Variants in LCOR observed in about 807,000 individuals in gnomAD.
LCOR encodes the protein ligand dependent nuclear receptor corepressor, also known as ligand-dependent corepressor.
In LCOR, 14 loss-of-function variants were observed where a neutral mutation model predicts 64.4. The observed-to-expected ratio is 0.22, with a 90% confidence interval of 0.14 to 0.34. LCOR has a LOEUF of 0.34. Ranked by LOEUF, LCOR falls within the 10% of genes least tolerant of loss-of-function variation. The pLI, the probability that LCOR is intolerant of heterozygous loss-of-function variation, is 1.00. For synonymous variants in LCOR, 643 were observed against 642.5 expected (o/e 1.00, Z -0.01); for missense variants, 1,686 against 1,765.3 (o/e 0.96, Z 0.80).
intron 2 of LCOR, among the ~76,000 whole-genome samples, chr10:96,898,518 A>G (rs915868222): frequency 3.3e-5 from 5 of 152,220 alleles, no homozygotes; most frequent in African/African-American, 4.8e-5. Context: ...TAGCAGCAGC[A>G]TGAAGGGTGG....
chr10:96,849,897 C>G (rs1845697988), intron 2 of LCOR, among the ~76,000 whole-genome samples: 1 of 136,208 alleles, frequency 7.3e-6, no homozygotes, highest in Non-Finnish European at 1.5e-5. Context: ...TCTCTGCTCT[C>G]TGACGTGAAG....
rs546018951 is a variant in LCOR, at chr10:96,839,883, T to C, written c.-330+6404T>C. 2.4e-4 allele frequency among the ~76,000 whole-genome samples: 36 copies of C among 152,312 alleles called. No homozygotes were observed. In the South Asian group the frequency reaches 7.0e-3, roughly 30 times the overall value. ...TTGTAGTTTTAGGAAAGACAGGGTT[T>C]CACCCTTTTGGCCAGGCTGGTCTCA... On this transcript the variant is annotated intron_variant, in intron 2 of 7. Transcript: ENST00000421806.
At position 96,949,412 on chromosome 10, in the gene LCOR, ATTC is replaced by A. The variant is rs1847640678; in HGVS notation, c.238+120_238+122del. The A allele has an allele frequency of 3.2e-6, 3 of 929,486 alleles. No individual in the cohort carries two copies. The Admixed American group carries it at 6.7e-5, about 21-fold the overall frequency. The allele number at this position is 929,486 out of a possible 1,614,324, so 57.6% of individuals were successfully genotyped here. On this transcript the variant is annotated intron_variant, in intron 6 of 7. Coordinates refer to ENST00000421806, the MANE Select transcript of LCOR (RefSeq NM_001346516.2). ...CAATAATAGCATAAAAACTAATGTG[ATTC>A]TTAAATTATTTCTTACTATGCAGTG...
chr10:96,861,820 C>T (rs1310498414), intron 2 of LCOR, among the ~76,000 whole-genome samples: 1 of 152,186 alleles, frequency 6.6e-6, no homozygotes, highest in Admixed American at 6.5e-5. Context: ...GTGTGAGTCA[C>T]TGCGCCCAAC....
rs141897143 is a variant in LCOR, at chr10:96,865,449, A to C, written c.-330+31970A>C. Among the ~76,000 whole-genome samples, 585 of 152,280 alleles carry C rather than the reference A, an allele frequency of 3.8e-3. 2 individuals carry two copies. The highest frequency in any genetic ancestry group is 5.6e-3 in the Non-Finnish European group (380 of 68,022). On this transcript the variant is annotated intron_variant, in intron 2 of 7. Transcript: ENST00000421806. ...GGCATTCTTAGGCAGACATTCTGTC[A>C]GTTTCTATCTCTCTCTTTCCAAAAT...
intron 2 of LCOR, among the ~76,000 whole-genome samples, chr10:96,856,409 C>T (rs904588142): frequency 6.6e-6 from 1 of 151,534 alleles, no homozygotes; most frequent in Non-Finnish European, 1.5e-5. Context: ...CTTTCCCTTC[C>T]TTCCCTTCCT....
At chr10:96,944,337 AACATTTTTCTTT>A in intron 5 of LCOR, 92 bp downstream of exon 5, 1 of 698,880 alleles carries the variant, frequency 1.4e-6, no homozygotes, top group East Asian at 1.3e-4. Flanking sequence ...TACTCTTAAA[AACATTTTTCTTT>A]ATTGATATAA....
intron 4 of LCOR, among the ~76,000 whole-genome samples, chr10:96,927,114 C>T (rs1847181880): frequency 6.6e-6 from 1 of 152,084 alleles, no homozygotes; most frequent in Admixed American, 6.6e-5. Flanking sequence ...GTGACTGAAC[C>T]ATTTTGTGTT....
At chr10:96,977,055 G>T (rs1848045730) in intron 7 of LCOR, among the ~76,000 whole-genome samples, 1 of 150,156 alleles carries the variant, frequency 6.7e-6, no homozygotes, top group Non-Finnish European at 1.5e-5. Flanking sequence ...GCATTGAAAA[G>T]GCACCCACTT....
intron 2 of LCOR, among the ~76,000 whole-genome samples, chr10:96,837,710 A>C (rs1234732795): frequency 6.6e-6 from 1 of 152,230 alleles, no homozygotes; most frequent in East Asian, 1.9e-4. Context: ...CATCCTTGGA[A>C]GTTGGAGTTG....
At chr10:96,948,820 A>C (rs945644900) in intron 5 of LCOR, among the ~76,000 whole-genome samples, 188 bp from the exon 6 acceptor site, 6 of 152,120 alleles carry the variant, frequency 3.9e-5, no homozygotes, top group African/African-American at 1.4e-4. Context: ...GTTTAGAATT[A>C]TTTTAATAAA....
intron 4 of LCOR, among the ~76,000 whole-genome samples, chr10:96,920,472 A>T (rs36177678): frequency 2.3e-5 from 3 of 131,260 alleles, no homozygotes; most frequent in Non-Finnish European, 4.7e-5. Flanking sequence ...ATATATGTGT[A>T]TATATATGTA....
Position 96,981,712 on chromosome 10 carries a change from C to G in LCOR, c.1252C>G (p.His418Asp). 1.2e-6 allele frequency: 2 copies of G among 1,614,202 alleles called. No homozygotes were observed. Among genetic ancestry groups the G allele is most frequent in the Non-Finnish European group, 1.7e-6 (2 of 1,180,036 alleles). The change falls in exon 8 of 8, where the codon CAT (histidine) becomes GAT (aspartate). Residue 418 changes from histidine (H) to aspartate (D), a missense_variant. Around this residue, in one of 3 missense-constraint regions of LCOR, gnomAD observed 1,293 missense variants for 1,410.4 expected, o/e 0.92. Coordinates refer to ENST00000421806, the MANE Select transcript of LCOR (RefSeq NM_001346516.2). ...LHPSDKGQFD[H>D]SKDGWLGPGP... ...TCCCAGTGATAAGGGCCAGTTTGATCATTCCAAAGATGGTTGGTTAGGCCC... is the reference window on the plus strand; with the variant it reads ...TCCCAGTGATAAGGGCCAGTTTGATGATTCCAAAGATGGTTGGTTAGGCCC...
chr10:96,837,123 T>TG (rs1845456463), intron 2 of LCOR, among the ~76,000 whole-genome samples: 1 of 152,068 alleles, frequency 6.6e-6, no homozygotes, highest in African/African-American at 2.4e-5. Context: ...TCCGAGTAGC[T>TG]GGGACTACAG....
chr10:96,930,588 TA>T (rs1213702297), intron 4 of LCOR, among the ~76,000 whole-genome samples: 2 of 152,234 alleles, frequency 1.3e-5, no homozygotes, highest in East Asian at 3.8e-4. Flanking sequence ...AATAACTTCC[TA>T]AAGCATTTCT....
chr10:96,860,275 GTTAAAA>G (rs1003188952), intron 2 of LCOR, among the ~76,000 whole-genome samples: 1 of 152,152 alleles, frequency 6.6e-6, no homozygotes, highest in African/African-American at 2.4e-5. Context: ...GGTCTTTGCA[GTTAAAA>G]TTAAGATGAA....
At chr10:96,958,146 C>T (rs1291629878) in intron 7 of LCOR, 5 of 1,223,244 alleles carry the variant, frequency 4.1e-6, no homozygotes, top group South Asian at 3.3e-5. Flanking sequence ...TTGGGATATT[C>T]AGTAGCCCAG....
At chr10:96,941,393 G>T (rs1847471527) in intron 4 of LCOR, among the ~76,000 whole-genome samples, 1 of 146,592 alleles carries the variant, frequency 6.8e-6, no homozygotes, top group African/African-American at 2.6e-5. Flanking sequence ...CCCGGACTGG[G>T]CGGCTGGCCG....
chr10:96,954,742 A>AT (rs1030309781), intron 7 of LCOR, among the ~76,000 whole-genome samples: 2 of 151,546 alleles, frequency 1.3e-5, no homozygotes, highest in Admixed American at 6.6e-5. Flanking sequence ...AAAGCTCCTG[A>AT]TTTTTTTTCT....
Sources: allele counts gnomAD v4.1 joint callset (sites outside exome capture counted in the v4.1 genomes callset), GRCh38; gene constraint gnomAD v4.1.1; regional missense constraint gnomAD v4.1.1; transcripts MANE v1.5; gene names NCBI Gene and HGNC (gene_info 2026-07-23, HGNC 2026-07-21).